ZBTB7B: variants seen among roughly 807,000 people sequenced by gnomAD.
The protein encoded by ZBTB7B is zinc finger and BTB domain containing 7B.
Under a neutral mutation model 31.0 loss-of-function variants are expected in ZBTB7B, and 8 were observed. The observed-to-expected ratio is 0.26, with a 90% CI of 0.15 to 0.47. The LOEUF is 0.47. Ranked by LOEUF, ZBTB7B falls within the 20% of genes least tolerant of loss-of-function variation. The pLI is 0.99. For missense variants in ZBTB7B, 494 were observed against 742.4 expected, an observed-to-expected ratio of 0.67 and a Z score of 3.89; for synonymous variants, 261 against 307.3, an observed-to-expected ratio of 0.85 and a Z score of 1.58.
chr1:155,016,184 G>A lies in ZBTB7B; in HGVS notation c.1155-36G>A, dbSNP rs756133048. The A allele has an allele frequency of 1.9e-6, 3 of 1,595,628 alleles. No homozygotes were observed. The highest frequency in any genetic ancestry group is 2.6e-6 in the Non-Finnish European group (3 of 1,168,066). ...CAGGAGGAGCCAGGGATCCCATCCT[G>A]AACACCTCCCTGCCCCTCACCCCTG... On this transcript the variant is annotated intron_variant, in intron 2 of 2. Coordinates refer to ENST00000535420, the MANE Select transcript of ZBTB7B (RefSeq NM_001256455.2). The surrounding 1 kb of genome is among the most constrained non-coding windows in gnomAD (Gnocchi z 4.3).
At chr1:155,015,912 G>T in intron 2 of ZBTB7B, 98 bp downstream of exon 2, 1 of 1,474,342 alleles carries the variant, frequency 6.8e-7, no homozygotes, top group Non-Finnish European at 9.2e-7. Context: ...GTGGTGGTAG[G>T]TGGTCCTGGA....
In ZBTB7B at chr1:155,003,422, G is replaced by T. The variant is rs565074229; in HGVS notation, c.-7+479G>T. Among the ~76,000 whole-genome samples the T allele has an allele frequency of 3.9e-5, 6 of 152,312 alleles. No individual in the cohort carries two copies. Among genetic ancestry groups the T allele is most frequent in the Admixed American group, 6.5e-5 (1 of 15,312 alleles). On this transcript the variant is annotated intron_variant, in intron 1 of 2. Transcript: ENST00000535420. This position sits in a 1 kb window ranked among gnomAD's most constrained non-coding sequence, Gnocchi z 5.8. Reference sequence around the variant, plus strand: ...CCCCAGGCCAGTTGCATGGGGGTTGGGGGGGCGCAGGAGGAGCCGCGGCTT... The same window carrying T: ...CCCCAGGCCAGTTGCATGGGGGTTGTGGGGGCGCAGGAGGAGCCGCGGCTT...
In ZBTB7B at chr1:155,004,668, T is replaced by G; in HGVS notation, c.-7+1725T>G. On this transcript the variant is annotated intron_variant, in intron 1 of 2. Coordinates refer to ENST00000535420, the MANE Select transcript of ZBTB7B (RefSeq NM_001256455.2). The surrounding 1 kb of genome is among the most constrained non-coding windows in gnomAD (Gnocchi z 4.0). ...GTTAGTGTTCCTCCTTAGTGGTAACTGGGGAGAAGGGTAGGGGGCTCCCCC... is the reference window on the plus strand; with the variant it reads ...GTTAGTGTTCCTCCTTAGTGGTAACGGGGGAGAAGGGTAGGGGGCTCCCCC... Among the ~76,000 whole-genome samples the G allele has an allele frequency of 6.6e-6, 1 of 152,080 alleles. No homozygotes were observed.
In ZBTB7B at chr1:155,004,227, A is replaced by T. The variant is rs1185189671; in HGVS notation, c.-7+1284A>T. On this transcript the variant is annotated intron_variant, in intron 1 of 2. Coordinates refer to ENST00000535420, the MANE Select transcript of ZBTB7B (RefSeq NM_001256455.2). This position sits in a 1 kb window ranked among gnomAD's most constrained non-coding sequence, Gnocchi z 4.0. The stretch of plus-strand genomic sequence containing the variant: ...GGCAGGCTGTCCAGGCTTCCGGGCC[A>T]GGTGGAGGGTGTTCTTGAATTGACC... Among the ~76,000 whole-genome samples, 2 of 152,156 alleles carry T rather than the reference A, an allele frequency of 1.3e-5. No individual in the cohort carries two copies. The highest frequency in any genetic ancestry group is 4.8e-5 in the African/African-American group (2 of 41,436).
Position 155,018,198 on chromosome 1 carries a change from A to AG in ZBTB7B, c.*1517dup, listed in dbSNP as rs1659609856. 6.5e-5 allele frequency: 17 copies of AG among 263,480 alleles called. 1 individual carries two copies. Among genetic ancestry groups the AG allele is most frequent in the Middle Eastern group, 1.4e-3 (1 of 740 alleles). The allele number at this position is 263,480 out of a possible 1,614,324, so 16.3% of individuals were successfully genotyped here. A position where few individuals can be genotyped will look rare whatever the true frequency, so the allele number is the denominator to read the frequency against. On this transcript the variant is annotated 3_prime_UTR_variant, in exon 3 of 3. Transcript: ENST00000535420. ...TGCCCAGGTACCCCTAACAGTGGGG[A>AG]GGGGTCACAGGGAGGGGGTAGCGGG...
intron 1 of ZBTB7B, among the ~76,000 whole-genome samples, chr1:155,006,297 T>C (rs772261330): frequency 1.3e-5 from 2 of 152,170 alleles, no homozygotes; most frequent in Non-Finnish European, 2.9e-5. Flanking sequence ...CCAGATGCCA[T>C]GGTTCTGCTA....
At chr1:155,011,113 C>A in intron 1 of ZBTB7B, 2 of 1,113,488 alleles carry the variant, frequency 1.8e-6, no homozygotes, top group Non-Finnish European at 2.6e-6. Flanking sequence ...CGCCTGCTGC[C>A]CCCCACACTA....
rs1659407290 is a variant in ZBTB7B, at chr1:155,016,370, C to T, written c.1305C>T (p.Cys435=). ...ACCGGCCCTATGAGTGCCACCTGTG[C>T]CACAAGGCTTTCGCCAAGGAGGACC... ...TGDRPYECHL[C]HKAFAKEDHL... Residue 435 remains cysteine (C), a synonymous_variant, in exon 3 of 3, where the codon TGC becomes TGT. Coordinates refer to ENST00000535420, the MANE Select transcript of ZBTB7B (RefSeq NM_001256455.2). This position sits in a 1 kb window ranked among gnomAD's most constrained non-coding sequence, Gnocchi z 4.3. 5 of 1,614,028 alleles carry T rather than the reference C, an allele frequency of 3.1e-6. No homozygotes were observed. Among genetic ancestry groups the T allele is most frequent in the Non-Finnish European group, 4.2e-6 (5 of 1,180,024 alleles).
Position 155,017,461 on chromosome 1 carries a change from C to G in ZBTB7B, c.*776C>G, listed in dbSNP as rs551718709. On this transcript the variant is annotated 3_prime_UTR_variant, in exon 3 of 3. Coordinates refer to ENST00000535420, the MANE Select transcript of ZBTB7B (RefSeq NM_001256455.2). ...GAATGTCTTGTTCCCGCCGCTCCCTCCCCGGGGCCAGAGGGCAGGGCGGGC... is the reference window on the plus strand; with the variant it reads ...GAATGTCTTGTTCCCGCCGCTCCCTGCCCGGGGCCAGAGGGCAGGGCGGGC... 6.6e-6 allele frequency: 1 copy of G among 151,806 alleles called. No individual in the cohort carries two copies. Among genetic ancestry groups the G allele is most frequent in the African/African-American group, 2.4e-5 (1 of 41,388 alleles). The allele number at this position is 151,806 out of a possible 1,614,324, so 9.4% of individuals were successfully genotyped here.
At chr1:155,015,870 G>A (rs1195503433) in intron 2 of ZBTB7B, 56 bp downstream of exon 2, 10 of 1,564,504 alleles carry the variant, frequency 6.4e-6, no homozygotes, top group African/African-American at 1.4e-5. Context: ...GACAGGGTGG[G>A]AGGAGATGGG....
At position 155,014,646 on chromosome 1, in the gene ZBTB7B, A is replaced by C; in HGVS notation, c.-6-9A>C. ...GCGCTCTTAATCTCCCCTCTACTTGACTCTGCAGGAGAAGATGGGGAGCCC... is the reference window on the plus strand; with the variant it reads ...GCGCTCTTAATCTCCCCTCTACTTGCCTCTGCAGGAGAAGATGGGGAGCCC... On this transcript the variant is annotated splice_polypyrimidine_tract_variant and intron_variant, in intron 1 of 2. Transcript: ENST00000535420. 6.2e-7 allele frequency: 1 copy of C among 1,605,892 alleles called. No homozygotes were observed. Among genetic ancestry groups the C allele is most frequent in the Non-Finnish European group, 8.5e-7 (1 of 1,174,958 alleles).
At chr1:155,007,883 T>A (rs1453694720) in intron 1 of ZBTB7B, among the ~76,000 whole-genome samples, 1 of 152,082 alleles carries the variant, frequency 6.6e-6, no homozygotes, top group African/African-American at 2.4e-5. Context: ...GGCATTTCTA[T>A]GGTACCCCCA....
In ZBTB7B at chr1:155,016,057, G is replaced by A. The variant is rs77548871; in HGVS notation, c.1155-163G>A. ...AAGCAGAGGAGTGGATAATGACAAG[G>A]CCTAGTTAAGCTAGAGGTGAGCTAG... is the stretch of plus-strand genomic sequence containing the variant. On this transcript the variant is annotated intron_variant, in intron 2 of 2. Coordinates refer to ENST00000535420, the MANE Select transcript of ZBTB7B (RefSeq NM_001256455.2). The surrounding 1 kb of genome is among the most constrained non-coding windows in gnomAD (Gnocchi z 4.3). Among the ~76,000 whole-genome samples the A allele has an allele frequency of 1.3e-5, 2 of 152,072 alleles. No individual in the cohort carries two copies. The highest frequency in any genetic ancestry group is 2.4e-5 in the African/African-American group (1 of 41,396).
rs1198927943 is a variant in ZBTB7B at position 155,004,529 on chromosome 1, C to G, written c.-7+1586C>G. 2.6e-5 allele frequency among the ~76,000 whole-genome samples: 4 copies of G among 152,126 alleles called. No individual in the cohort carries two copies. Among genetic ancestry groups the G allele is most frequent in the Admixed American group, 2.6e-4 (4 of 15,274 alleles). On this transcript the variant is annotated intron_variant, in intron 1 of 2. Coordinates refer to ENST00000535420, the MANE Select transcript of ZBTB7B (RefSeq NM_001256455.2). This position sits in a 1 kb window ranked among gnomAD's most constrained non-coding sequence, Gnocchi z 4.0. Reference sequence around the variant, plus strand: ...TTTGGTCACCCCTGTACCCGCCTGGCACTGCTGGGAGAGCTGGCATGGAGT... The same window carrying G: ...TTTGGTCACCCCTGTACCCGCCTGGGACTGCTGGGAGAGCTGGCATGGAGT...
At chr1:155,001,951 C>T (rs1658247387), upstream of ZBTB7B, among the ~76,000 whole-genome samples, 1 of 151,872 alleles carries the variant, frequency 6.6e-6, no homozygotes, top group Non-Finnish European at 1.5e-5. The surrounding 1 kb of genome is among the most constrained non-coding windows in gnomAD (Gnocchi z 4.8). Context: ...TCACGGGACC[C>T]CCTCCCTCAA....
intron 1 of ZBTB7B, chr1:155,011,059 T>A: frequency 6.9e-7 from 1 of 1,452,460 alleles, no homozygotes; most frequent in Non-Finnish European, 9.3e-7. Flanking sequence ...TGCGTGCCTG[T>A]GTCCCAGGCC....
Position 155,017,357 on chromosome 1 carries a change from A to AGAGGGGCGGG in ZBTB7B, c.*679_*680insGGGGAGGGGC, listed in dbSNP as rs1032488906. On this transcript the variant is annotated 3_prime_UTR_variant, in exon 3 of 3. Transcript: ENST00000535420. Reference sequence around the variant, plus strand: ...TGGCTCGCCTGCCCCTGGGGGCAGTAGAGGGGCCCCGCCCAGCTAGGGGAG... The same window carrying AGAGGGGCGGG: ...TGGCTCGCCTGCCCCTGGGGGCAGTAGAGGGGCGGGGAGGGGCCCCGCCCAGCTAGGGGAG... 6.6e-6 allele frequency: 1 copy of AGAGGGGCGGG among 152,332 alleles called. No homozygotes were observed. Among genetic ancestry groups the AGAGGGGCGGG allele is most frequent in the Non-Finnish European group, 1.5e-5 (1 of 68,284 alleles). 9.4% of individuals were successfully genotyped at this position (152,332 alleles called of 1,614,324 possible). A position where few individuals can be genotyped will look rare whatever the true frequency, so the allele number is the denominator to read the frequency against.
rs1185359041 is a variant in ZBTB7B, at chr1:155,004,568, G to C, written c.-7+1625G>C. Among the ~76,000 whole-genome samples the C allele has an allele frequency of 1.3e-5, 2 of 152,152 alleles. No homozygotes were observed. Among genetic ancestry groups the C allele is most frequent in the East Asian group, 3.8e-4 (2 of 5,198 alleles). ...CTGGCATGGAGTGGACATCAGGTTG[G>C]GGAGGAGAGAGTGGGCATAAGGAGT... On this transcript the variant is annotated intron_variant, in intron 1 of 2. Coordinates refer to ENST00000535420, the MANE Select transcript of ZBTB7B (RefSeq NM_001256455.2). The surrounding 1 kb of genome is among the most constrained non-coding windows in gnomAD (Gnocchi z 4.0).
At position 155,016,207 on chromosome 1, in the gene ZBTB7B, C is replaced by T. The variant is rs779857132; in HGVS notation, c.1155-13C>T. 3.1e-6 allele frequency: 5 copies of T among 1,610,632 alleles called. No homozygotes were observed. The highest frequency in any genetic ancestry group is 4.2e-6 in the Non-Finnish European group (5 of 1,177,458). On this transcript the variant is annotated splice_polypyrimidine_tract_variant and intron_variant, in intron 2 of 2. Transcript: ENST00000535420. The surrounding 1 kb of genome is among the most constrained non-coding windows in gnomAD (Gnocchi z 4.3). The stretch of plus-strand genomic sequence containing the variant: ...CTGAACACCTCCCTGCCCCTCACCC[C>T]TGCCTGTGCCAGGAACGACAAGCTG...
Sources: gnomAD v4.1 joint callset for allele counts (sites outside exome capture counted in the v4.1 genomes callset) on GRCh38, gnomAD v4.1.1 for gene constraint, Gnocchi (gnomAD v3.1) non-coding constraint, MANE v1.5 for transcripts, NCBI Gene and HGNC (gene_info 2026-07-23, HGNC 2026-07-21) for gene names.